Variants in NCOA4 observed in about 807,000 individuals in gnomAD.
NCOA4 encodes nuclear receptor coactivator 4.
Under a neutral mutation model 69.5 loss-of-function variants are expected in NCOA4, and 31 were observed. The ratio of observed to expected loss-of-function variants is 0.45; its 90% CI spans 0.34 to 0.60. The LOEUF is 0.60. NCOA4 is among the 20% of genes least tolerant of loss of function. NCOA4 has a pLI of 0.02. For synonymous variants in NCOA4, 228 were observed against 252.4 expected (o/e 0.90, Z 0.92); for missense variants, 600 against 719.2 (o/e 0.83, Z 1.90).
At chr10:46,027,546 C>G in intron 1 of NCOA4, 1 of 1,430,816 alleles carries the variant, frequency 7.0e-7, no homozygotes, top group Non-Finnish European at 9.5e-7. Context: ...AAAACAAAGT[C>G]AAGATGAAAA....
Position 46,014,447 on chromosome 10 carries a change from G to A in NCOA4, c.477C>T (p.Thr159=), listed in dbSNP as rs200483103. 5.6e-6 allele frequency: 9 copies of A among 1,600,210 alleles called. No individual in the cohort carries two copies. The Admixed American group carries it at 1.3e-4, about 24-fold the overall frequency. The part of the protein sequence containing the change: ...QTITTFGSLK[T]IQIPEHLMAH... ...TGAAGCATATGAGATTACTCACAAT[G>A]GTTTTGAGAGACCCAAATGTGGTGA... The change falls in exon 5 of 10, where the codon ACC becomes ACT. Residue 159 remains threonine (T), a synonymous_variant. Transcript: ENST00000581486.
intron 5 of NCOA4, 99 bp from the exon 6 acceptor site, chr10:46,013,738 T>A: frequency 1.3e-6 from 1 of 762,088 alleles, no homozygotes. Context: ...CATTACCATT[T>A]CATTAGAAAT....
chr10:46,017,669 T>G (rs1467923722), intron 1 of NCOA4, among the ~76,000 whole-genome samples: 2 of 152,206 alleles, frequency 1.3e-5, no homozygotes, highest in African/African-American at 4.8e-5. Context: ...ACAAAATGAT[T>G]TCATGATTCT....
rs199905765 is a variant in NCOA4 at position 46,018,332 on chromosome 10, G to C, written c.-14-1638C>G. On this transcript the variant is annotated intron_variant, in intron 1 of 9. Coordinates refer to ENST00000581486, the MANE Select transcript of NCOA4 (RefSeq NM_001145263.2). ...CTTTAATTAGGGAGGGCAAGGAAGA[G>C]AATAATTCCTTTTTAAAGGGTGGAA... is the stretch of plus-strand genomic sequence containing the variant. Among the ~76,000 whole-genome samples the C allele has an allele frequency of 5.3e-5, 8 of 152,302 alleles. No individual in the cohort carries two copies. In the East Asian group the frequency reaches 1.4e-3, roughly 26 times the overall value.
intron 7 of NCOA4, among the ~76,000 whole-genome samples, chr10:46,012,070 G>A (rs145963251): frequency 0.022 from 998 of 44,562 alleles, 6 homozygotes; most frequent in Middle Eastern, 0.077. Context: ...CAAAAAGAAA[G>A]AAAAAAAAAA....
chr10:46,012,490 G>A (rs1398561943), intron 7 of NCOA4, among the ~76,000 whole-genome samples: 3 of 151,516 alleles, frequency 2.0e-5, no homozygotes, highest in Non-Finnish European at 2.9e-5. Context: ...ATACTTTACA[G>A]AAGAAATTAA....
chr10:46,013,451 CT>C, intron 6 of NCOA4, 98 bp downstream of exon 6: 1 of 860,776 alleles, frequency 1.2e-6, no homozygotes, highest in Non-Finnish European at 1.8e-6. Context: ...CCACTGGTGC[CT>C]TTTTACAAAT....
chr10:46,015,232 T>TGAC lies in NCOA4; in HGVS notation c.173_175dup (p.Arg58dup), dbSNP rs1554922918. On this transcript the variant is annotated inframe_insertion, in exon 3 of 10. Transcript: ENST00000581486. ...CTCACGGCTTCTAAGACATTCCAGG[T>TGAC]GACGGCTTATGCAACTGTGAATCTG... is the stretch of plus-strand genomic sequence containing the variant. 1 of 1,613,962 alleles carries TGAC rather than the reference T, an allele frequency of 6.2e-7. No individual in the cohort carries two copies. The highest frequency in any genetic ancestry group is 8.5e-7 in the Non-Finnish European group (1 of 1,179,986).
intron 7 of NCOA4, among the ~76,000 whole-genome samples, chr10:46,012,307 G>T (rs1255568446): frequency 6.6e-6 from 1 of 152,018 alleles, no homozygotes; most frequent in East Asian, 1.9e-4. Flanking sequence ...TGTATCCAAA[G>T]TCTTAAAGCG....
At chr10:46,008,433 C>G (rs1184913782) in intron 9 of NCOA4, among the ~76,000 whole-genome samples, 1 of 152,168 alleles carries the variant, frequency 6.6e-6, no homozygotes, top group East Asian at 1.9e-4. Flanking sequence ...CTCAGGACTT[C>G]AGTGGAGGAA....
At chr10:46,012,823 T>C in intron 7 of NCOA4, 60 bp downstream of exon 7, 1 of 1,585,944 alleles carries the variant, frequency 6.3e-7, no homozygotes. Context: ...TACTACTGAT[T>C]AGTAACTAAC....
At chr10:46,015,375 C>A in intron 2 of NCOA4, 109 bp from the exon 3 acceptor site, 1 of 783,678 alleles carries the variant, frequency 1.3e-6, no homozygotes, top group Non-Finnish European at 2.1e-6. Context: ...GTTGGGGGGA[C>A]CACAAATCCT....
chr10:46,028,880 G>A (rs1243977162), intron 1 of NCOA4, among the ~76,000 whole-genome samples: 27 of 151,974 alleles, frequency 1.8e-4, no homozygotes, highest in Admixed American at 1.8e-3. Flanking sequence ...GCAATGACTG[G>A]CTCTGAATGC....
intron 7 of NCOA4, 126 bp downstream of exon 7, chr10:46,012,757 G>C (rs1219517474): frequency 1.2e-6 from 1 of 861,032 alleles, no homozygotes; most frequent in Non-Finnish European, 1.6e-6. Context: ...ATGATGAAGA[G>C]ACTATTAATA....
chr10:46,017,823 A>G (rs1839656922), intron 1 of NCOA4, among the ~76,000 whole-genome samples: 1 of 152,240 alleles, frequency 6.6e-6, no homozygotes, highest in Admixed American at 6.5e-5. Flanking sequence ...CAGTAAAGCC[A>G]TAACGTAAAA....
chr10:46,023,460 C>G, intron 1 of NCOA4: 2 of 985,694 alleles, frequency 2.0e-6, no homozygotes, highest in Non-Finnish European at 2.4e-6. Context: ...CTCCAGTTCG[C>G]CCGGGCCACT....
At chr10:46,023,130 G>T (rs1213780303) in intron 1 of NCOA4, among the ~76,000 whole-genome samples, 1 of 152,198 alleles carries the variant, frequency 6.6e-6, no homozygotes, top group Non-Finnish European at 1.5e-5. Flanking sequence ...TAATACGAAA[G>T]CAACAGTGAC....
intron 1 of NCOA4, chr10:46,027,438 G>C: frequency 1.9e-6 from 3 of 1,551,488 alleles, no homozygotes; most frequent in Admixed American, 3.9e-5. Flanking sequence ...CTACCAGCTA[G>C]AGCAAAAGTG....
chr10:46,007,418 G>T (rs1163411273), intron 9 of NCOA4, among the ~76,000 whole-genome samples: 1 of 152,118 alleles, frequency 6.6e-6, no homozygotes, highest in Non-Finnish European at 1.5e-5. Context: ...ATCTAGCCAA[G>T]ATCGTAAATG....
Sources: gnomAD v4.1 joint callset for allele counts (sites outside exome capture counted in the v4.1 genomes callset) on GRCh38, gnomAD v4.1.1 for gene constraint, MANE v1.5 for transcripts, NCBI Gene and HGNC (gene_info 2026-07-23, HGNC 2026-07-21) for gene names.